DKK3: variants seen among roughly 807,000 people sequenced by gnomAD.
DKK3 encodes dickkopf Wnt signaling pathway inhibitor 3.
Under a neutral mutation model 33.2 loss-of-function variants are expected in DKK3, and 22 were observed. That is an observed-to-expected ratio of 0.66 (90% CI 0.47 to 0.95). The LOEUF (loss-of-function observed/expected upper bound fraction) is 0.95, where lower values mean the gene tolerates loss of function less well. DKK3 is among the 40% of genes least tolerant of loss of function. DKK3 has a pLI of 0.00. For synonymous variants in DKK3, 194 were observed against 188.8 expected (o/e 1.03, Z -0.23); for missense variants, 398 against 458.4 (o/e 0.87, Z 1.20).
At chr11:12,008,842 CG>C, upstream of DKK3, 1 of 1,157,340 alleles carries the variant, frequency 8.6e-7, no homozygotes, top group Non-Finnish European at 1.1e-6. The surrounding 1 kb of genome is among the most constrained non-coding windows in gnomAD (Gnocchi z 4.6). Flanking sequence ...CCCCCATCCT[CG>C]AGCACAAGCT....
At position 11,965,857 on chromosome 11, in the gene DKK3, G is replaced by A; in HGVS notation, c.782C>T (p.Ala261Val). ...ACTGGCACAAGGGCATCGGTCCAAG[G>A]CTCCATCAGGCTCTAGCTCCCAGGT... ...LITWELEPDG[A>V]LDRCPCASGL... The change falls in exon 6 of 7, where the codon GCC (alanine) becomes GTC (valine). Residue 261 changes from alanine to valine, a missense_variant. By Grantham distance (64) the Ala-to-Val change is moderately conservative. Transcript: ENST00000683431. 1 of 1,614,196 alleles carries A rather than the reference G, an allele frequency of 6.2e-7. No homozygotes were observed. The highest frequency in any genetic ancestry group is 1.7e-5 in the Admixed American group (1 of 60,034).
chr11:11,983,780 T>A (rs553886849), intron 3 of DKK3, among the ~76,000 whole-genome samples: 1 of 152,204 alleles, frequency 6.6e-6, no homozygotes, highest in Non-Finnish European at 1.5e-5. Context: ...CACTCCTACA[T>A]CTGAGACAGA....
chr11:12,008,342 G>GA lies in DKK3; in HGVS notation c.213+27dup. ...GCTGCCCCCAGTCTGGCGCTTCTCA[G>GA]AGCCCCGCGCCGCCAGGGCGCACCC... On this transcript the variant is annotated intron_variant, in intron 1 of 6. Transcript: ENST00000683431. This position sits in a 1 kb window ranked among gnomAD's most constrained non-coding sequence, Gnocchi z 4.6. 6.3e-7 allele frequency: 1 copy of GA among 1,590,522 alleles called. No homozygotes were observed. Among genetic ancestry groups the GA allele is most frequent in the Non-Finnish European group, 8.5e-7 (1 of 1,173,606 alleles).
rs137923479 is a variant in DKK3, at chr11:12,006,878, G to T, written c.213+1492C>A. ...TCTGTGTGCAGGAGGGAAAGTCCTA[G>T]AACCTGGATAAGGAAAGCAGATGGC... is the stretch of plus-strand genomic sequence containing the variant. On this transcript the variant is annotated intron_variant, in intron 1 of 6. Coordinates refer to ENST00000683431, the MANE Select transcript of DKK3 (RefSeq NM_001018057.2). Among the ~76,000 whole-genome samples the T allele has an allele frequency of 1.0e-2, 1,518 of 152,294 alleles. 27 individuals carry two copies. The highest frequency in any genetic ancestry group is 0.033 in the African/African-American group (1,372 of 41,554).
At chr11:11,991,928 C>T (rs147278689) in intron 3 of DKK3, among the ~76,000 whole-genome samples, 1,702 of 152,306 alleles carry the variant, frequency 0.011, 19 homozygotes, top group Non-Finnish European at 0.017. Context: ...CCACAATGCC[C>T]TGTGCAACCT....
At chr11:11,984,522 C>T (rs755833053) in intron 3 of DKK3, among the ~76,000 whole-genome samples, 2 of 152,132 alleles carry the variant, frequency 1.3e-5, no homozygotes, top group Non-Finnish European at 2.9e-5. Context: ...AAACGCATTA[C>T]TTTTCCCATG....
chr11:11,982,295 C>T (rs1372972194), intron 3 of DKK3, among the ~76,000 whole-genome samples: 1 of 151,950 alleles, frequency 6.6e-6, no homozygotes, highest in African/African-American at 2.4e-5. Flanking sequence ...AGATGACAGG[C>T]CCTGCTGGGT....
chr11:11,966,000 G>C (rs779943268), intron 5 of DKK3, 35 bp from the exon 6 acceptor site: 2 of 1,585,554 alleles, frequency 1.3e-6, no homozygotes, highest in Non-Finnish European at 1.7e-6. Flanking sequence ...TGTGTGCCCC[G>C]TGTAGGGTAG....
chr11:11,998,691 C>A lies in DKK3; in HGVS notation c.435+5G>T. The A allele has an allele frequency of 6.2e-7, 1 of 1,613,438 alleles. No homozygotes were observed. On this transcript the variant is annotated splice_donor_5th_base_variant and intron_variant, in intron 3 of 6. Coordinates refer to ENST00000683431, the MANE Select transcript of DKK3 (RefSeq NM_001018057.2). ...GGTGCAAGTACAGGGGAAATGACAA[C>A]TTACGTGGCTCCTTCTGCCTTCTTC...
chr11:11,975,347 A>G (rs1363878240), intron 3 of DKK3, among the ~76,000 whole-genome samples: 5 of 152,218 alleles, frequency 3.3e-5, no homozygotes, highest in Non-Finnish European at 1.5e-5. Flanking sequence ...CACAGGGACC[A>G]GAACAGCGTC....
rs758934528 is a variant in DKK3, at chr11:12,002,451, G to T, written c.214-14C>A. The stretch of plus-strand genomic sequence containing the variant: ...TTCTGCCTCCATCTATTAAATCGAT[G>T]AATTTAATGAGCAAAATTATTTTCT... On this transcript the variant is annotated splice_polypyrimidine_tract_variant and intron_variant, in intron 1 of 6. Transcript: ENST00000683431. 6.2e-7 allele frequency: 1 copy of T among 1,602,668 alleles called. No individual in the cohort carries two copies.
chr11:11,993,705 T>A (rs1848232903), intron 3 of DKK3, among the ~76,000 whole-genome samples: 1 of 152,198 alleles, frequency 6.6e-6, no homozygotes, highest in Non-Finnish European at 1.5e-5. Context: ...TAGACATAAA[T>A]CACGAAGTCA....
chr11:12,004,837 T>C (rs1848504213), intron 1 of DKK3, among the ~76,000 whole-genome samples: 1 of 152,170 alleles, frequency 6.6e-6, no homozygotes, highest in African/African-American at 2.4e-5. Flanking sequence ...AGCCAGTTTG[T>C]TTTGCCAGAG....
chr11:12,001,074 T>C (rs888092952), intron 2 of DKK3, among the ~76,000 whole-genome samples: 9 of 152,338 alleles, frequency 5.9e-5, no homozygotes, highest in African/African-American at 2.2e-4. Context: ...TAGTGACTGG[T>C]AGGACTCACA....
chr11:11,992,086 T>C (rs12575198), intron 3 of DKK3, among the ~76,000 whole-genome samples: 5,482 of 152,278 alleles, frequency 0.036, 233 homozygotes, highest in East Asian at 0.18. Flanking sequence ...TGCAAATAAA[T>C]GAATGAATTA....
At chr11:11,991,184 C>T (rs537516071) in intron 3 of DKK3, among the ~76,000 whole-genome samples, 14 of 152,350 alleles carry the variant, frequency 9.2e-5, no homozygotes, top group African/African-American at 2.2e-4. Context: ...CAAACCTGCC[C>T]TCTGCCAAGG....
chr11:11,978,700 A>T (rs1269914018), intron 3 of DKK3: 2 of 152,100 alleles, frequency 1.3e-5, no homozygotes, highest in Non-Finnish European at 2.9e-5. Flanking sequence ...ACTTGGAGAA[A>T]AGCCTCTGGA....
In DKK3 at chr11:11,992,055, G is replaced by A. The variant is rs755539673; in HGVS notation, c.435+6641C>T. On this transcript the variant is annotated intron_variant, in intron 3 of 6. Coordinates refer to ENST00000683431, the MANE Select transcript of DKK3 (RefSeq NM_001018057.2). ...TCTTTTACACTTCTCTGCCAAAAAC[G>A]TAGCAGGTACTCAAGGAATGTGCAA... Among the ~76,000 whole-genome samples, 55 of 152,110 alleles carry A rather than the reference G, an allele frequency of 3.6e-4. 1 individual carries two copies. Among genetic ancestry groups the A allele is most frequent in the Admixed American group, 6.5e-4 (10 of 15,272 alleles).
chr11:11,968,327 C>T (rs1245317634), intron 4 of DKK3, 68 bp downstream of exon 4: 7 of 1,479,140 alleles, frequency 4.7e-6, no homozygotes, highest in Non-Finnish European at 5.5e-6. Context: ...AACGCTGGGG[C>T]CCCTGGCTTT....
Sources: gnomAD v4.1 joint callset for allele counts (sites outside exome capture counted in the v4.1 genomes callset) on GRCh38, gnomAD v4.1.1 for gene constraint, Gnocchi (gnomAD v3.1) non-coding constraint, MANE v1.5 for transcripts, NCBI Gene and HGNC (gene_info 2026-07-23, HGNC 2026-07-21) for gene names.